The following ANO6 variants were observed in gnomAD, a reference collection of about 807,000 sequenced individuals.
The protein encoded by ANO6 is anoctamin-6.
ANO6 carries 106 observed loss-of-function variants against 117.5 expected under a neutral mutation model. The observed-to-expected ratio is 0.90, with a 90% CI of 0.77 to 1.06. The LOEUF (loss-of-function observed/expected upper bound fraction) is 1.06. Among genes scored for constraint, ANO6 ranks in the 50% least tolerant of loss-of-function variants. The pLI is 0.00. For missense variants in ANO6, 955 were observed against 1,121.1 expected (o/e 0.85, Z 2.12); for synonymous variants, 367 against 385.1 (o/e 0.95, Z 0.55).
chr12:45,218,587 A>G (rs774663021), intron 1 of ANO6, among the ~76,000 whole-genome samples: 1 of 151,868 alleles, frequency 6.6e-6, no homozygotes, highest in African/African-American at 2.4e-5. Context: ...TACAAATTTA[A>G]TGTGGGTTGT....
chr12:45,292,571 T>C (rs1939137965), intron 1 of ANO6: 1 of 883,706 alleles, frequency 1.1e-6, no homozygotes, highest in African/African-American at 1.8e-5. Context: ...AGTTTTTCTA[T>C]AAAAGCATTA....
Position 45,216,369 on chromosome 12 carries a change from G to A in ANO6, c.48G>A (p.Glu16=). ...TTTTGCTACAAATGGAGGAGGAGGA[G>A]GACGACGACGATGGGGATATCGGTG... The part of the protein sequence containing the change: ...RNVLLQMEEE[E]DDDDGDIVLE... Residue 16 remains glutamate, a synonymous_variant, in exon 1 of 20, where the codon GAG becomes GAA. Transcript: ENST00000320560. The A allele has an allele frequency of 2.5e-6, 4 of 1,612,844 alleles. No individual in the cohort carries two copies. Among genetic ancestry groups the A allele is most frequent in the Non-Finnish European group, 3.4e-6 (4 of 1,179,428 alleles).
intron 9 of ANO6, among the ~76,000 whole-genome samples, chr12:45,372,920 T>A (rs897095516): frequency 6.6e-6 from 1 of 152,248 alleles, no homozygotes; most frequent in Admixed American, 6.5e-5. Flanking sequence ...GACTGGCAAA[T>A]TGGATAAAGA....
chr12:45,283,422 G>A (rs1938806660), intron 1 of ANO6, among the ~76,000 whole-genome samples: 1 of 152,186 alleles, frequency 6.6e-6, no homozygotes, highest in Non-Finnish European at 1.5e-5. Flanking sequence ...TCTCCCATGA[G>A]GAGGAGTGGG....
intron 2 of ANO6, among the ~76,000 whole-genome samples, chr12:45,318,340 A>G (rs946122099): frequency 6.6e-6 from 1 of 152,172 alleles, no homozygotes; most frequent in African/African-American, 2.4e-5. Flanking sequence ...CTCTCTACAT[A>G]TGGCTAGCCA....
At chr12:45,351,320 T>C (rs1941274835) in intron 7 of ANO6, among the ~76,000 whole-genome samples, 1 of 152,194 alleles carries the variant, frequency 6.6e-6, no homozygotes, top group South Asian at 2.1e-4. Flanking sequence ...ACTCTTTTCT[T>C]ATGTCTGCCT....
At chr12:45,294,971 A>G (rs1417634880) in intron 1 of ANO6, among the ~76,000 whole-genome samples, 1 of 152,204 alleles carries the variant, frequency 6.6e-6, no homozygotes, top group East Asian at 1.9e-4. Context: ...CGTCAGTTTC[A>G]TATATATGTC....
rs1943625847 is a variant in ANO6, at chr12:45,431,278, T to G, written c.*1967T>G. 1.0e-6 allele frequency: 1 copy of G among 985,318 alleles called. No individual in the cohort carries two copies. The highest frequency in any genetic ancestry group is 6.2e-5 in the Admixed American group (1 of 16,256). The allele number at this position is 985,318 out of a possible 1,614,324, so 61.0% of individuals were successfully genotyped here. ...AGACGGGAGTGCCACTGTTCCTCTCTTCACTCCTGAGATACTGCTTCTGGA... is the reference window on the plus strand; with the variant it reads ...AGACGGGAGTGCCACTGTTCCTCTCGTCACTCCTGAGATACTGCTTCTGGA... On this transcript the variant is annotated 3_prime_UTR_variant, in exon 20 of 20. Transcript: ENST00000320560.
intron 2 of ANO6, among the ~76,000 whole-genome samples, chr12:45,320,948 T>G (rs4489808): frequency 0.92 from 139,191 of 151,858 alleles, 64,462 homozygotes; most frequent in Non-Finnish European, 0.99. Flanking sequence ...AACCCCTGCC[T>G]TTTTTTGTTT....
In ANO6 at chr12:45,260,831, A is replaced by G. The variant is rs1010845951; in HGVS notation, c.71-41183A>G. 2.0e-5 allele frequency among the ~76,000 whole-genome samples: 3 copies of G among 151,918 alleles called. No homozygotes were observed. The East Asian group carries it at 5.8e-4, about 29-fold the overall frequency. On this transcript the variant is annotated intron_variant, in intron 1 of 19. Transcript: ENST00000320560. ...GACGGGGTTTCTTGCTCTGTCACCC[A>G]GGCTGGAGTGCAGTGGCGCCATCTT...
chr12:45,432,858 G>A (rs1476697298), downstream of ANO6, among the ~76,000 whole-genome samples: 2 of 152,116 alleles, frequency 1.3e-5, no homozygotes, highest in Admixed American at 6.5e-5. Context: ...TCATTACTGA[G>A]AGGCAATATG....
chr12:45,424,327 GTTTTTTTTT>G (rs66945216), intron 19 of ANO6, among the ~76,000 whole-genome samples: 6 of 81,240 alleles, frequency 7.4e-5, no homozygotes, highest in Admixed American at 1.9e-4. Context: ...TAGGTGATGG[GTTTTTTTTT>G]TTTTTTTTTT....
intron 1 of ANO6, chr12:45,292,961 T>G: frequency 6.4e-7 from 1 of 1,551,212 alleles, no homozygotes; most frequent in South Asian, 1.2e-5. Flanking sequence ...ATTTGGTGAG[T>G]TGCTGGAACA....
chr12:45,403,168 C>T lies in ANO6; in HGVS notation c.1709C>T (p.Ala570Val). 6.2e-7 allele frequency: 1 copy of T among 1,613,980 alleles called. No individual in the cohort carries two copies. The highest frequency in any genetic ancestry group is 2.2e-5 in the East Asian group (1 of 44,854). The change falls in exon 14 of 20, where the codon GCA becomes GTA. Residue 570 changes from alanine to valine, a missense_variant. Coordinates refer to ENST00000320560, the MANE Select transcript of ANO6 (RefSeq NM_001025356.3). The part of the protein sequence containing the change: ...VNYYSSCFYI[A>V]FFKGKFVGYP... Reference sequence around the variant, plus strand: ...TACTACTCTTCATGCTTCTACATAGCATTCTTTAAGGGCAAATTTGTAGGC... The same window carrying T: ...TACTACTCTTCATGCTTCTACATAGTATTCTTTAAGGGCAAATTTGTAGGC...
chr12:45,408,283 G>A (rs921325450), intron 15 of ANO6, among the ~76,000 whole-genome samples: 1 of 152,182 alleles, frequency 6.6e-6, no homozygotes, highest in African/African-American at 2.4e-5. Context: ...TGTATTTGGA[G>A]TTGTTGTTAT....
chr12:45,336,858 G>A (rs1041037243), intron 3 of ANO6, among the ~76,000 whole-genome samples: 28 of 152,066 alleles, frequency 1.8e-4, no homozygotes, highest in African/African-American at 6.3e-4. Flanking sequence ...TCCAAAAGAA[G>A]GCACTGTTAT....
intron 2 of ANO6, among the ~76,000 whole-genome samples, chr12:45,327,752 G>C (rs1940519986): frequency 6.6e-6 from 1 of 152,004 alleles, no homozygotes. Flanking sequence ...TCATGTCTAG[G>C]AGATGGGATT....
At chr12:45,343,949 G>T (rs1210862949) in intron 3 of ANO6, among the ~76,000 whole-genome samples, 2 of 152,160 alleles carry the variant, frequency 1.3e-5, no homozygotes, top group Admixed American at 6.5e-5. Flanking sequence ...CCTGGAGCCA[G>T]GTAGTCTGGT....
rs543033948 is a variant in ANO6 at position 45,426,697 on chromosome 12, C to T, written c.2527-2408C>T. ...TCCTCACTGGGCTCCTAGGAAAGTA[C>T]GCTTTCCTCCTGCGTCCCTGGCCAT... is the stretch of plus-strand genomic sequence containing the variant. On this transcript the variant is annotated intron_variant, in intron 19 of 19. Coordinates refer to ENST00000320560, the MANE Select transcript of ANO6 (RefSeq NM_001025356.3). Among the ~76,000 whole-genome samples the T allele has an allele frequency of 2.5e-4, 38 of 152,160 alleles. No individual in the cohort carries two copies. In the East Asian group the frequency reaches 4.6e-3, roughly 19 times the overall value.
Sources: allele counts gnomAD v4.1 joint callset (sites outside exome capture counted in the v4.1 genomes callset), GRCh38; gene constraint gnomAD v4.1.1; transcripts MANE v1.5; gene names NCBI Gene and HGNC (gene_info 2026-07-23, HGNC 2026-07-21).